Variants in PRTG observed in about 807,000 individuals in gnomAD.
PRTG encodes immunoglobulin superfamily, DCC subclass, member 5.
In PRTG, 67 loss-of-function variants were observed where a neutral mutation model predicts 122.5. The observed-to-expected ratio is 0.55, with a 90% CI of 0.45 to 0.67. The LOEUF is 0.67. Among genes scored for constraint, PRTG ranks in the 30% least tolerant of loss-of-function variants. The pLI, the probability that PRTG is intolerant of heterozygous loss-of-function variation, is 0.00. For synonymous variants in PRTG, 554 were observed against 501.1 expected (o/e 1.11, Z -1.41); for missense variants, 1,435 against 1,415.4 (o/e 1.01, Z -0.22).
intron 11 of PRTG, among the ~76,000 whole-genome samples, chr15:55,663,963 C>CA (rs2059423813): frequency 6.6e-6 from 1 of 152,150 alleles, no homozygotes; most frequent in Non-Finnish European, 1.5e-5. Flanking sequence ...TTGCAAGCAG[C>CA]AATATAGTTT....
chr15:55,620,562 C>T, intron 19 of PRTG, 101 bp downstream of exon 19: 4 of 1,450,678 alleles, frequency 2.8e-6, no homozygotes, highest in South Asian at 2.9e-5. Flanking sequence ...ATGAAGAACA[C>T]AGAAAATTAA....
chr15:55,729,510 T>C (rs2031155233), intron 2 of PRTG, among the ~76,000 whole-genome samples: 1 of 152,078 alleles, frequency 6.6e-6, no homozygotes, highest in South Asian at 2.1e-4. Context: ...CACACACCTA[T>C]AATCCCAGCT....
intron 11 of PRTG, among the ~76,000 whole-genome samples, chr15:55,668,805 C>T (rs2059452159): frequency 6.6e-6 from 1 of 152,002 alleles, no homozygotes; most frequent in Non-Finnish European, 1.5e-5. Flanking sequence ...ATCTTTTTAG[C>T]TACTTTAAAA....
intron 16 of PRTG, among the ~76,000 whole-genome samples, chr15:55,627,421 T>C (rs2059201398): frequency 6.6e-6 from 1 of 150,680 alleles, no homozygotes; most frequent in Admixed American, 6.6e-5. Flanking sequence ...ACTCCCGGGT[T>C]CCTGCCATTC....
Position 55,673,589 on chromosome 15 carries a change from C to A in PRTG, c.1634G>T (p.Arg545Leu), listed in dbSNP as rs949807137. The A allele has an allele frequency of 1.2e-6, 2 of 1,614,068 alleles. No homozygotes were observed. The highest frequency in any genetic ancestry group is 3.3e-5 in the Admixed American group (2 of 59,998). Residue 545 changes from arginine to leucine, a missense_variant, in exon 10 of 20, where the codon CGG (arginine) becomes CTG (leucine). By Grantham distance (102) the Arg-to-Leu change is moderately radical. Transcript: ENST00000389286. Reference protein sequence around the residue: ...ISWLPIPAKYRRGQVVLYRLS... With the variant: ...ISWLPIPAKYLRGQVVLYRLS... ...GCGATACAGCACCACTTGGCCCCGC[C>A]GATATTTGGCTGGGATTGGCAGCCA...
intron 11 of PRTG, among the ~76,000 whole-genome samples, chr15:55,668,129 T>C (rs1327661912): frequency 6.6e-6 from 1 of 152,188 alleles, no homozygotes; most frequent in Non-Finnish European, 1.5e-5. Flanking sequence ...TTTTAATTAT[T>C]CATTTATAAT....
At chr15:55,713,365 T>A (rs1268003438) in intron 2 of PRTG, among the ~76,000 whole-genome samples, 6 of 152,236 alleles carry the variant, frequency 3.9e-5, no homozygotes, top group Admixed American at 6.5e-5. Context: ...ATTTTCTTAC[T>A]GAGAGACATG....
At chr15:55,636,443 T>C (rs1188993438) in intron 15 of PRTG, among the ~76,000 whole-genome samples, 1 of 151,918 alleles carries the variant, frequency 6.6e-6, no homozygotes, top group Non-Finnish European at 1.5e-5. Flanking sequence ...AAATCTCCCT[T>C]CCTCAATCTT....
At chr15:55,623,515 G>A (rs1015499644) in intron 18 of PRTG, among the ~76,000 whole-genome samples, 4 of 152,008 alleles carry the variant, frequency 2.6e-5, no homozygotes, top group Admixed American at 2.0e-4. Context: ...ACAGTGAGCC[G>A]AGATCGTACC....
At chr15:55,632,529 A>G (rs1463730727) in intron 15 of PRTG, among the ~76,000 whole-genome samples, 1 of 152,084 alleles carries the variant, frequency 6.6e-6, no homozygotes, top group East Asian at 1.9e-4. Context: ...AATCTGGTCT[A>G]CATCTGCCCT....
intron 6 of PRTG, chr15:55,679,687 A>G (rs2059526253): frequency 1.4e-5 from 6 of 435,634 alleles, no homozygotes; most frequent in Non-Finnish European, 2.4e-5. Context: ...ATATGTACCT[A>G]TCATCCTTCT....
chr15:55,637,443 C>T (rs1435362960), intron 14 of PRTG, 103 bp from the exon 15 acceptor site: 1 of 896,050 alleles, frequency 1.1e-6, no homozygotes, highest in Admixed American at 3.0e-5. Flanking sequence ...AAATTAGAAA[C>T]CTCCATAAGA....
At chr15:55,689,629 A>T (rs373454278) in intron 2 of PRTG, among the ~76,000 whole-genome samples, 27 of 36,208 alleles carry the variant, frequency 7.5e-4, no homozygotes, top group African/African-American at 1.6e-3. Context: ...CTAGAACTTA[A>T]ATTAAAAAAA....
At chr15:55,714,397 T>C (rs985262526) in intron 2 of PRTG, among the ~76,000 whole-genome samples, 27 of 148,990 alleles carry the variant, frequency 1.8e-4, no homozygotes, top group African/African-American at 5.9e-4. Context: ...CCCGCTAGTT[T>C]TAAAAACATT....
At chr15:55,656,356 T>A (rs913492896) in intron 11 of PRTG, 1 of 456,042 alleles carries the variant, frequency 2.2e-6, no homozygotes, top group Non-Finnish European at 4.4e-6. Flanking sequence ...AGATTCGGGC[T>A]AAACATTTTT....
rs144744727 is a variant in PRTG at position 55,696,905 on chromosome 15, T to A, written c.398-12974A>T. On this transcript the variant is annotated intron_variant, in intron 2 of 19. Transcript: ENST00000389286. ...AAGTAAATATAAATAAAACAAAGGCTAGAGACTTTGTAACAAAGTTGGGAA... is the reference window on the plus strand; with the variant it reads ...AAGTAAATATAAATAAAACAAAGGCAAGAGACTTTGTAACAAAGTTGGGAA... Among the ~76,000 whole-genome samples, 847 of 152,322 alleles carry A rather than the reference T, an allele frequency of 5.6e-3. 4 individuals carry two copies. Among genetic ancestry groups the A allele is most frequent in the Admixed American group, 0.011 (165 of 15,296 alleles).
At chr15:55,661,899 A>G (rs1444375139) in intron 11 of PRTG, among the ~76,000 whole-genome samples, 5 of 151,912 alleles carry the variant, frequency 3.3e-5, no homozygotes, top group Non-Finnish European at 1.5e-5. Context: ...AATACTTAAA[A>G]AAAAAAAAAA....
intron 15 of PRTG, among the ~76,000 whole-genome samples, chr15:55,631,018 G>A (rs977132196): frequency 3.9e-5 from 6 of 152,108 alleles, no homozygotes; most frequent in Non-Finnish European, 7.4e-5. Context: ...GTCATGAGAC[G>A]GAGGCCATCT....
chr15:55,724,606 A>G (rs1441065488), intron 2 of PRTG, among the ~76,000 whole-genome samples: 2 of 151,986 alleles, frequency 1.3e-5, no homozygotes, highest in Non-Finnish European at 2.9e-5. Flanking sequence ...AAAAAGTACA[A>G]AAGTTAGCCA....
Sources: gnomAD v4.1 joint callset for allele counts (sites outside exome capture counted in the v4.1 genomes callset) on GRCh38, gnomAD v4.1.1 for gene constraint, MANE v1.5 for transcripts, NCBI Gene and HGNC (gene_info 2026-07-23, HGNC 2026-07-21) for gene names.